SYN3: variants seen among roughly 807,000 people sequenced by gnomAD.
The protein encoded by SYN3 is synapsin III, also known as synapsin-3.
Under a neutral mutation model 65.8 loss-of-function variants are expected in SYN3, and 35 were observed. The observed-to-expected ratio is 0.53, with a 90% CI of 0.41 to 0.70. The LOEUF (loss-of-function observed/expected upper bound fraction) is 0.70. Among genes scored for constraint, SYN3 ranks in the 30% least tolerant of loss-of-function variants. The pLI, the probability that SYN3 is intolerant of heterozygous loss-of-function variation, is 0.00. For synonymous variants in SYN3, 270 were observed against 292.9 expected (o/e 0.92, Z 0.80); for missense variants, 680 against 749.0 (o/e 0.91, Z 1.08).
intron 6 of SYN3, 151 bp downstream of exon 6, chr22:32,864,764 A>T: frequency 1.5e-6 from 1 of 658,372 alleles, no homozygotes; most frequent in East Asian, 2.6e-5. Context: ...AAATCCAGGC[A>T]CTCCCACAGG....
chr22:32,780,991 TC>T (rs2046043463), intron 6 of SYN3, among the ~76,000 whole-genome samples: 8 of 130,236 alleles, frequency 6.1e-5, no homozygotes, highest in Non-Finnish European at 9.8e-5. Flanking sequence ...CCTTCCTTCC[TC>T]TCTCTCACCC....
chr22:32,645,547 G>A (rs1042472901), intron 6 of SYN3, among the ~76,000 whole-genome samples: 4 of 152,022 alleles, frequency 2.6e-5, no homozygotes, highest in Non-Finnish European at 5.9e-5. Flanking sequence ...CAAGTAATAC[G>A]TGCTTTCGTG....
chr22:32,828,077 G>T (rs2047464744), intron 6 of SYN3, among the ~76,000 whole-genome samples: 1 of 152,246 alleles, frequency 6.6e-6, no homozygotes, highest in Non-Finnish European at 1.5e-5. Context: ...CACCAGGAGA[G>T]TAGAGACCTT....
intron 6 of SYN3, among the ~76,000 whole-genome samples, chr22:32,645,484 C>A (rs2059970971): frequency 6.6e-6 from 1 of 151,326 alleles, no homozygotes; most frequent in Non-Finnish European, 1.5e-5. Context: ...CCAGGAATGG[C>A]AGAAAAATAC....
At chr22:32,715,555 T>C (rs2147266550) in intron 6 of SYN3, among the ~76,000 whole-genome samples, 1 of 151,770 alleles carries the variant, frequency 6.6e-6, no homozygotes, top group East Asian at 1.9e-4. Context: ...CCGAGGTGGG[T>C]GGATCACAAG....
Position 32,694,062 on chromosome 22 carries a change from TTTTG to T in SYN3, c.712-97330_712-97327del, listed in dbSNP as rs980651914. 1.0e-3 allele frequency among the ~76,000 whole-genome samples: 152 copies of T among 152,142 alleles called. No individual in the cohort carries two copies. In the Middle Eastern group the frequency reaches 0.01, roughly 10 times the overall value. On this transcript the variant is annotated intron_variant, in intron 6 of 13. Coordinates refer to ENST00000358763, the MANE Select transcript of SYN3 (RefSeq NM_003490.4). ...TTTGAAGTTTCTGTTTTTTCCTTTG[TTTTG>T]TTTGTGAGCTATTTATTTATTTATT...
At chr22:32,681,580 C>T (rs899338145) in intron 6 of SYN3, among the ~76,000 whole-genome samples, 1 of 152,232 alleles carries the variant, frequency 6.6e-6, no homozygotes, top group Admixed American at 6.5e-5. Context: ...GACTGGACTT[C>T]AGCTCACCTG....
chr22:32,587,723 A>G (rs968156120), intron 7 of SYN3, among the ~76,000 whole-genome samples: 20 of 152,322 alleles, frequency 1.3e-4, no homozygotes, highest in African/African-American at 4.6e-4. Flanking sequence ...AACCTGGCTA[A>G]GCCAGCGTGT....
intron 1 of SYN3, among the ~76,000 whole-genome samples, chr22:33,046,535 T>C (rs534610770): frequency 2.6e-5 from 4 of 151,836 alleles, no homozygotes; most frequent in South Asian, 2.1e-4. Flanking sequence ...CTGTCCAACA[T>C]GATAAAACCT....
intron 3 of SYN3, among the ~76,000 whole-genome samples, chr22:32,938,405 CTG>C (rs1257173055): frequency 6.6e-6 from 1 of 151,748 alleles, no homozygotes; most frequent in Non-Finnish European, 1.5e-5. Flanking sequence ...TGGCGGGTGT[CTG>C]TAGTTCCAGC....
intron 6 of SYN3, among the ~76,000 whole-genome samples, chr22:32,803,574 A>G (rs1254556713): frequency 6.6e-6 from 1 of 152,124 alleles, no homozygotes; most frequent in Non-Finnish European, 1.5e-5. Context: ...GATTGCTTAG[A>G]AAGATCCTTT....
intron 1 of SYN3, among the ~76,000 whole-genome samples, chr22:33,023,645 G>C (rs931162595): frequency 6.6e-6 from 1 of 152,146 alleles, no homozygotes; most frequent in Non-Finnish European, 1.5e-5. Flanking sequence ...GAGCCTGGGA[G>C]GTTGAGGCTG....
intron 6 of SYN3, among the ~76,000 whole-genome samples, chr22:32,796,374 T>C (rs889957598): frequency 7.2e-5 from 11 of 152,122 alleles, no homozygotes; most frequent in African/African-American, 2.2e-4. Flanking sequence ...GAAAGAAATA[T>C]GAAAACCTGA....
At chr22:33,050,698 G>C (rs1411906325) in intron 1 of SYN3, among the ~76,000 whole-genome samples, 1 of 152,082 alleles carries the variant, frequency 6.6e-6, no homozygotes, top group Non-Finnish European at 1.5e-5. Context: ...GCAGACAAAA[G>C]ATTCCTGCTC....
chr22:32,786,438 C>A (rs991089452), intron 6 of SYN3, among the ~76,000 whole-genome samples: 11 of 151,578 alleles, frequency 7.3e-5, no homozygotes, highest in Non-Finnish European at 1.5e-4. Context: ...GGAGTGCTCA[C>A]TGCAAGCTCC....
At chr22:32,720,531 C>T (rs769561062) in intron 6 of SYN3, among the ~76,000 whole-genome samples, 1 of 152,236 alleles carries the variant, frequency 6.6e-6, no homozygotes, top group Admixed American at 6.5e-5. Context: ...CCCCGAATCA[C>T]ACTTGGCTGA....
At chr22:32,723,758 A>G (rs778060492) in intron 6 of SYN3, among the ~76,000 whole-genome samples, 3 of 152,250 alleles carry the variant, frequency 2.0e-5, no homozygotes, top group Non-Finnish European at 4.4e-5. Context: ...GCAGGTTGAA[A>G]CAGGAAACTG....
chr22:33,016,342 G>A (rs2053466691), intron 1 of SYN3, among the ~76,000 whole-genome samples: 1 of 152,124 alleles, frequency 6.6e-6, no homozygotes, highest in South Asian at 2.1e-4. Flanking sequence ...ATAGCCTTCT[G>A]GTGACAGGCA....
intron 6 of SYN3, chr22:32,861,225 A>AC (rs1233791173): frequency 6.6e-6 from 1 of 152,034 alleles, no homozygotes; most frequent in African/African-American, 2.4e-5. Flanking sequence ...TTGCACACAC[A>AC]CAAGTGCCCA....
Sources: gnomAD v4.1 joint callset for allele counts (sites outside exome capture counted in the v4.1 genomes callset) on GRCh38, gnomAD v4.1.1 for gene constraint, MANE v1.5 for transcripts, NCBI Gene and HGNC (gene_info 2026-07-23, HGNC 2026-07-21) for gene names.